FBH1: variants seen among roughly 807,000 people sequenced by gnomAD.
The protein encoded by FBH1 is DNA 3'-5' helicase 1.
A neutral mutation model predicts 115.5 loss-of-function variants in FBH1; 43 were observed. That is an observed-to-expected ratio of 0.37 (90% CI 0.29 to 0.48). FBH1 has a LOEUF of 0.48. Among genes scored for constraint, FBH1 ranks in the 20% least tolerant of loss-of-function variants. FBH1 has a pLI of 0.99. For synonymous variants in FBH1, 524 were observed against 507.8 expected (o/e 1.03, Z -0.43); for missense variants, 1,001 against 1,337.3 (o/e 0.75, Z 3.92).
chr10:5,913,052 C>T lies in FBH1; in HGVS notation c.1212-695C>T, dbSNP rs987680848. 6.6e-6 allele frequency among the ~76,000 whole-genome samples: 1 copy of T among 152,106 alleles called. No homozygotes were observed. The highest frequency in any genetic ancestry group is 1.5e-5 in the Non-Finnish European group (1 of 68,018). On this transcript the variant is annotated intron_variant, in intron 6 of 20. Coordinates refer to ENST00000362091, the MANE Select transcript of FBH1 (RefSeq NM_178150.3). The surrounding 1 kb of genome is among the most constrained non-coding windows in gnomAD (Gnocchi z 4.4). Reference sequence around the variant, plus strand: ...ATTGTTGGGGGAGCGAGTCCAAGCTCACCCCCGGTCTCCCCCACAGTCCAG... The same window carrying T: ...ATTGTTGGGGGAGCGAGTCCAAGCTTACCCCCGGTCTCCCCCACAGTCCAG...
At chr10:5,928,072 C>CAAAA (rs1010342333) in intron 19 of FBH1, among the ~76,000 whole-genome samples, 2 of 24,768 alleles carry the variant, frequency 8.1e-5, no homozygotes, top group Non-Finnish European at 9.2e-5. Context: ...GACTCCATCT[C>CAAAA]AAAAAAAAAA....
At chr10:5,902,970 G>T (rs766113488) in intron 1 of FBH1, 50 bp from the exon 2 acceptor site, 2 of 1,518,532 alleles carry the variant, frequency 1.3e-6, no homozygotes, top group Non-Finnish European at 1.8e-6. Context: ...TTGTAGAATC[G>T]GTGATAACTA....
In FBH1 at chr10:5,906,004, T is replaced by A. The variant is rs925818636; in HGVS notation, c.158-33T>A. Reference sequence around the variant, plus strand: ...CAGCAGGTCAACAGTCATCGTTCATTTCTTGTCCATCCTGTTTGGGTTCTC... The same window carrying A: ...CAGCAGGTCAACAGTCATCGTTCATATCTTGTCCATCCTGTTTGGGTTCTC... On this transcript the variant is annotated intron_variant, in intron 2 of 20. Transcript: ENST00000362091. The surrounding 1 kb of genome is among the most constrained non-coding windows in gnomAD (Gnocchi z 7.3). The A allele has an allele frequency of 4.0e-6, 6 of 1,501,048 alleles. No individual in the cohort carries two copies. In the Admixed American group the frequency reaches 1.0e-4, roughly 26 times the overall value. 93.0% of individuals were successfully genotyped at this position (1,501,048 alleles called of 1,614,324 possible).
intron 1 of FBH1, among the ~76,000 whole-genome samples, chr10:5,896,797 A>G (rs78467611): frequency 0.013 from 2,039 of 152,210 alleles, 30 homozygotes; most frequent in African/African-American, 0.039. Flanking sequence ...TCCCTAAAGA[A>G]TCACAAGCAG....
At position 5,921,178 on chromosome 10, in the gene FBH1, C is replaced by A; in HGVS notation, c.2101-80C>A. On this transcript the variant is annotated intron_variant, in intron 13 of 20. Coordinates refer to ENST00000362091, the MANE Select transcript of FBH1 (RefSeq NM_178150.3). This position sits in a 1 kb window ranked among gnomAD's most constrained non-coding sequence, Gnocchi z 6.4. ...AACAACTTGTAGGGTCTGGCCCGGCCAGGCTGTGGCAGCAGTGATGGAAAT... is the reference window on the plus strand; with the variant it reads ...AACAACTTGTAGGGTCTGGCCCGGCAAGGCTGTGGCAGCAGTGATGGAAAT... The A allele has an allele frequency of 7.2e-7, 1 of 1,393,282 alleles. No individual in the cohort carries two copies. The highest frequency in any genetic ancestry group is 1.0e-6 in the Non-Finnish European group (1 of 990,388). The allele number at this position is 1,393,282 out of a possible 1,614,324, so 86.3% of individuals were successfully genotyped here.
chr10:5,929,836 A>G (rs760570507), intron 19 of FBH1: 1 of 152,256 alleles, frequency 6.6e-6, no homozygotes, highest in Non-Finnish European at 1.5e-5. Flanking sequence ...AGAATAAATC[A>G]TTATGTACAA....
chr10:5,920,518 T>C (rs1306887387), intron 13 of FBH1, among the ~76,000 whole-genome samples: 1 of 152,230 alleles, frequency 6.6e-6, no homozygotes, highest in Non-Finnish European at 1.5e-5. Context: ...TTGTTTTTTC[T>C]CTCCCATCTA....
Position 5,906,712 on chromosome 10 carries a change from C to G in FBH1, c.753+80C>G, listed in dbSNP as rs1843716449. 8.2e-7 allele frequency: 1 copy of G among 1,220,292 alleles called. No individual in the cohort carries two copies. The highest frequency in any genetic ancestry group is 1.1e-6 in the Non-Finnish European group (1 of 873,932). The allele number at this position is 1,220,292 out of a possible 1,614,324, so 75.6% of individuals were successfully genotyped here. On this transcript the variant is annotated intron_variant, in intron 3 of 20. Coordinates refer to ENST00000362091, the MANE Select transcript of FBH1 (RefSeq NM_178150.3). The surrounding 1 kb of genome is among the most constrained non-coding windows in gnomAD (Gnocchi z 7.3). ...TAATGCACGCTTATAATCAGAGGAT[C>G]TTTTCAGAAATGGTTTCCATTTGCC...
rs753523231 is a variant in FBH1 at position 5,915,662 on chromosome 10, C to T, written c.1565+91C>T. Reference sequence around the variant, plus strand: ...GACGATCACATGTGAGCTTACACCACAGTGACCCCGAGGAGTGTAGTGCTG... The same window carrying T: ...GACGATCACATGTGAGCTTACACCATAGTGACCCCGAGGAGTGTAGTGCTG... On this transcript the variant is annotated intron_variant, in intron 9 of 20. Transcript: ENST00000362091. The surrounding 1 kb of genome is among the most constrained non-coding windows in gnomAD (Gnocchi z 5.2). 2.3e-5 allele frequency: 28 copies of T among 1,213,488 alleles called. No homozygotes were observed. Among genetic ancestry groups the T allele is most frequent in the African/African-American group, 7.4e-5 (5 of 67,274 alleles). 75.2% of individuals were successfully genotyped at this position (1,213,488 alleles called of 1,614,324 possible).
chr10:5,912,501 G>T (rs1831661911), intron 6 of FBH1, among the ~76,000 whole-genome samples: 1 of 152,026 alleles, frequency 6.6e-6, no homozygotes, highest in Non-Finnish European at 1.5e-5. Context: ...GGGGGCTGGG[G>T]GCCGGGGGAG....
In FBH1 at chr10:5,908,927, C is replaced by G; in HGVS notation, c.756C>G (p.Phe252Leu). Reference protein sequence around the residue: ...LWREIISDPLFIPWKKLYHRY... With the variant: ...LWREIISDPLLIPWKKLYHRY... ...TTGTTTGTTTTTTAACTGCATAGTT[C>G]ATTCCTTGGAAGAAGCTGTACCATC... Residue 252 changes from phenylalanine to leucine, a missense_variant and splice_region_variant, in exon 4 of 21, where the codon TTC becomes TTG. By Grantham distance (22) the Phe-to-Leu change is conservative. Around this residue, in one of 4 missense-constraint regions of FBH1, gnomAD observed 420 missense variants for 430.4 expected, o/e 0.98. Coordinates refer to ENST00000362091, the MANE Select transcript of FBH1 (RefSeq NM_178150.3). 1 of 1,613,994 alleles carries G rather than the reference C, an allele frequency of 6.2e-7. No homozygotes were observed. The highest frequency in any genetic ancestry group is 8.5e-7 in the Non-Finnish European group (1 of 1,180,018).
rs762146468 is a variant in FBH1 at position 5,906,382 on chromosome 10, A to G, written c.503A>G (p.Asp168Gly). The change falls in exon 3 of 21, where the codon GAC (aspartate) becomes GGC (glycine). Residue 168 changes from aspartate (D) to glycine (G), a missense_variant. Around this residue, in one of 4 missense-constraint regions of FBH1, gnomAD observed 420 missense variants for 430.4 expected, o/e 0.98. Transcript: ENST00000362091. This position sits in a 1 kb window ranked among gnomAD's most constrained non-coding sequence, Gnocchi z 7.3. ...RPREARQEAE[D>G]STSRLSAESG... ...AGGGAGGCCAGGCAAGAAGCAGAGG[A>G]CAGTACGTCTCGGCTCTCTGCGGAG... The G allele has an allele frequency of 6.2e-7, 1 of 1,614,142 alleles. No individual in the cohort carries two copies. Among genetic ancestry groups the G allele is most frequent in the Non-Finnish European group, 8.5e-7 (1 of 1,179,940 alleles).
Position 5,913,692 on chromosome 10 carries a change from A to T in FBH1, c.1212-55A>T. On this transcript the variant is annotated intron_variant, in intron 6 of 20. Transcript: ENST00000362091. The surrounding 1 kb of genome is among the most constrained non-coding windows in gnomAD (Gnocchi z 4.4). ...TTAAATCCATCTGAGGAAAAATAAG[A>T]TGCAGATTGTGACTTGAATTTGAGA... 8.1e-7 allele frequency: 1 copy of T among 1,234,098 alleles called. No individual in the cohort carries two copies. Among genetic ancestry groups the T allele is most frequent in the African/African-American group, 1.6e-5 (1 of 63,424 alleles). The allele number at this position is 1,234,098 out of a possible 1,614,324, so 76.4% of individuals were successfully genotyped here.
chr10:5,896,707 A>G (rs1159138610), intron 1 of FBH1, among the ~76,000 whole-genome samples: 2 of 152,008 alleles, frequency 1.3e-5, no homozygotes, highest in Non-Finnish European at 2.9e-5. Context: ...AAGTGATTCT[A>G]ATCTCTCTGC....
intron 19 of FBH1, among the ~76,000 whole-genome samples, chr10:5,928,964 G>A (rs898552518): frequency 3.9e-5 from 6 of 152,206 alleles, no homozygotes; most frequent in South Asian, 2.1e-4. Flanking sequence ...GAGCCGCGCC[G>A]TACTGCCCTA....
chr10:5,912,215 C>T (rs1831637432), intron 6 of FBH1, among the ~76,000 whole-genome samples: 1 of 151,960 alleles, frequency 6.6e-6, no homozygotes, highest in South Asian at 2.1e-4. Context: ...CAAAAATTAG[C>T]CAGAAATTTC....
At chr10:5,907,766 G>T (rs1231352651) in intron 3 of FBH1, among the ~76,000 whole-genome samples, 1 of 152,202 alleles carries the variant, frequency 6.6e-6, no homozygotes, top group Non-Finnish European at 1.5e-5. Flanking sequence ...AAACCACTGT[G>T]CCTGGGCAAG....
In FBH1 at chr10:5,918,597, A is replaced by T; in HGVS notation, c.2100+119A>T. The T allele has an allele frequency of 7.7e-7, 1 of 1,302,012 alleles. No individual in the cohort carries two copies. The highest frequency in any genetic ancestry group is 1.5e-5 in the African/African-American group (1 of 65,654). The allele number at this position is 1,302,012 out of a possible 1,614,324, so 80.7% of individuals were successfully genotyped here. A position where few individuals can be genotyped will look rare whatever the true frequency, so the allele number is the denominator to read the frequency against. ...TCTAGCAAATCCTTGCTTCTAAGCC[A>T]TGGTTCTCAAAGTGTGGTTCTCAGG... On this transcript the variant is annotated intron_variant, in intron 13 of 20. Coordinates refer to ENST00000362091, the MANE Select transcript of FBH1 (RefSeq NM_178150.3). The surrounding 1 kb of genome is among the most constrained non-coding windows in gnomAD (Gnocchi z 4.0).
Position 5,908,984 on chromosome 10 carries a change from C to G in FBH1, c.813C>G (p.Ser271Arg), listed in dbSNP as rs1831386971. ...RYLMNEEQAV[S>R]KVDGILSNCG... ...TGATGAATGAAGAGCAAGCTGTCAGCAAAGTGGACGGCATCCTGTCTAACT... is the reference window on the plus strand; with the variant it reads ...TGATGAATGAAGAGCAAGCTGTCAGGAAAGTGGACGGCATCCTGTCTAACT... Residue 271 changes from serine to arginine, a missense_variant, in exon 4 of 21, where the codon AGC becomes AGG. Around this residue, in one of 4 missense-constraint regions of FBH1, gnomAD observed 420 missense variants for 430.4 expected, o/e 0.98. Transcript: ENST00000362091. 6.2e-7 allele frequency: 1 copy of G among 1,614,080 alleles called. No homozygotes were observed. Among genetic ancestry groups the G allele is most frequent in the Non-Finnish European group, 8.5e-7 (1 of 1,180,034 alleles).
Sources: gnomAD v4.1 joint callset for allele counts (sites outside exome capture counted in the v4.1 genomes callset) on GRCh38, gnomAD v4.1.1 for gene constraint, gnomAD v4.1.1 regional missense constraint, Gnocchi (gnomAD v3.1) non-coding constraint, MANE v1.5 for transcripts, NCBI Gene and HGNC (gene_info 2026-07-23, HGNC 2026-07-21) for gene names.